Variants in STK11 observed in about 807,000 individuals in gnomAD.
STK11 encodes serine/threonine kinase 11, also known as serine/threonine-protein kinase STK11.
STK11 carries 8 observed loss-of-function variants against 47.3 expected under a neutral mutation model. The observed-to-expected ratio is 0.17, with a 90% confidence interval of 0.10 to 0.31. STK11 has a LOEUF of 0.31. Ranked by LOEUF, STK11 falls within the 10% of genes least tolerant of loss-of-function variation. STK11 has a pLI of 1.00. For missense variants in STK11, 475 were observed against 605.0 expected, an observed-to-expected ratio of 0.79 and a Z score of 2.25; for synonymous variants, 330 against 255.8, an observed-to-expected ratio of 1.29 and a Z score of -2.77.
rs947659632 is a variant in STK11 at position 1,210,678 on chromosome 19, C to A, written c.290+3475C>A. Among the ~76,000 whole-genome samples, 70 of 150,060 alleles carry A rather than the reference C, an allele frequency of 4.7e-4. 1 individual carries two copies. Among genetic ancestry groups the A allele is most frequent in the Admixed American group, 2.9e-3 (44 of 15,076 alleles). Reference sequence around the variant, plus strand: ...CGAGGTTGGGAGTTAGCCTGACCAACATGGTGAAACCCTGTCTCTACTAAA... The same window carrying A: ...CGAGGTTGGGAGTTAGCCTGACCAAAATGGTGAAACCCTGTCTCTACTAAA... On this transcript the variant is annotated intron_variant, in intron 1 of 9. Transcript: ENST00000326873.
chr19:1,223,290 C>A (rs572748438), intron 8 of STK11, 118 bp downstream of exon 8: 3 of 1,265,872 alleles, frequency 2.4e-6, no homozygotes, highest in Non-Finnish European at 3.3e-6. Context: ...GCCAATCCCA[C>A]GTCCCCAAAG....
rs758769888 is a variant in STK11, at chr19:1,206,955, G to A, written c.42G>A (p.Glu14=). ...CGCAGCAGCTGGGCATGTTCACGGA[G>A]GGCGAGCTGATGTCGGTGGGTATGG... ...VDPQQLGMFT[E]GELMSVGMDT... The change falls in exon 1 of 10, where the codon GAG becomes GAA. Residue 14 remains glutamate, a synonymous_variant. Transcript: ENST00000326873. 3.9e-5 allele frequency: 63 copies of A among 1,606,898 alleles called. No homozygotes were observed. Among genetic ancestry groups the A allele is most frequent in the South Asian group, 1.1e-4 (10 of 89,804 alleles).
In STK11 at chr19:1,206,918, A is replaced by C. The variant is rs1159551738; in HGVS notation, c.5A>C (p.Glu2Ala). 16 of 1,578,838 alleles carry C rather than the reference A, an allele frequency of 1.0e-5. No individual in the cohort carries two copies. The highest frequency in any genetic ancestry group is 1.3e-5 in the Non-Finnish European group (15 of 1,163,162). ...CTCCAGGACCCTGGGTCCAGCATGG[A>C]GGTGGTGGACCCGCAGCAGCTGGGC... is the stretch of plus-strand genomic sequence containing the variant. M[E>A]VVDPQQLGMF... Residue 2 changes from glutamate (E) to alanine (A), a missense_variant, in exon 1 of 10, where the codon GAG becomes GCG. Coordinates refer to ENST00000326873, the MANE Select transcript of STK11 (RefSeq NM_000455.5).
At position 1,220,730 on chromosome 19, in the gene STK11, C is replaced by A. The variant is rs2080777425; in HGVS notation, c.734+13C>A. 6.3e-7 allele frequency: 1 copy of A among 1,599,958 alleles called. No individual in the cohort carries two copies. The highest frequency in any genetic ancestry group is 8.5e-7 in the Non-Finnish European group (1 of 1,172,490). ...CTGGGGTCACCCTGTAAGTGCCCCG[C>A]CCCCCCGGGCACTCACCACACGCAC... On this transcript the variant is annotated intron_variant, in intron 5 of 9. Transcript: ENST00000326873.
chr19:1,212,533 T>G (rs918155295), intron 1 of STK11, among the ~76,000 whole-genome samples: 1 of 152,114 alleles, frequency 6.6e-6, no homozygotes, highest in East Asian at 1.9e-4. Flanking sequence ...ATTACAGGTA[T>G]GAGCCACTGC....
chr19:1,226,572 GGCCCCCAACCCT>G lies in STK11; in HGVS notation c.1232_1243del (p.Pro411_Ala414del), dbSNP rs1345292099. The G allele has an allele frequency of 1.3e-6, 2 of 1,587,068 alleles. No homozygotes were observed. The highest frequency in any genetic ancestry group is 2.7e-5 in the African/African-American group (2 of 74,264). On this transcript the variant is annotated inframe_deletion, in exon 9 of 10. Transcript: ENST00000326873. Reference sequence around the variant, plus strand: ...GCACCAAATCCAGGGCGGAGGGCCGGGCCCCCAACCCTGCCCGCAAGGCCTGCTCCGCCAGCA... The same window carrying G: ...GCACCAAATCCAGGGCGGAGGGCCGGGCCCGCAAGGCCTGCTCCGCCAGCA...
At chr19:1,227,558 AG>A in intron 9 of STK11, 34 bp from the exon 10 acceptor site, 4 of 1,062,860 alleles carry the variant, frequency 3.8e-6, no homozygotes, top group Non-Finnish European at 4.6e-6. Flanking sequence ...ACCGGTGCCC[AG>A]GCTGACCTCT....
Position 1,228,146 on chromosome 19 carries a change from G to T in STK11, c.*570G>T. On this transcript the variant is annotated 3_prime_UTR_variant, in exon 10 of 10. Transcript: ENST00000326873. ...AGCTGCTGGGTGGCAGGGGGGCTGT[G>T]GGGTCGGGCTCACGTCGCGGCCGCC... is the stretch of plus-strand genomic sequence containing the variant. 1 of 1,064,896 alleles carries T rather than the reference G, an allele frequency of 9.4e-7. No individual in the cohort carries two copies. The highest frequency in any genetic ancestry group is 5.0e-5 in the East Asian group (1 of 20,180). 66.0% of individuals were successfully genotyped at this position (1,064,896 alleles called of 1,614,324 possible).
At chr19:1,226,331 C>G (rs1229197329) in intron 8 of STK11, 123 bp from the exon 9 acceptor site, 48 of 1,494,708 alleles carry the variant, frequency 3.2e-5, no homozygotes, top group Non-Finnish European at 4.2e-5. Flanking sequence ...TGGGCCTGAC[C>G]CGGGGGCGGG....
At chr19:1,208,433 G>A (rs1453363293) in intron 1 of STK11, among the ~76,000 whole-genome samples, 77 of 148,456 alleles carry the variant, frequency 5.2e-4, no homozygotes, top group Non-Finnish European at 6.5e-4. Flanking sequence ...TCAGCCTCCC[G>A]AGTAGCTGGG....
intron 1 of STK11, among the ~76,000 whole-genome samples, chr19:1,212,239 G>C (rs1264191630): frequency 6.8e-6 from 1 of 146,126 alleles, no homozygotes. Flanking sequence ...AAACGCCACC[G>C]TATTGCTCAA....
chr19:1,215,771 C>A (rs1189305796), intron 1 of STK11, among the ~76,000 whole-genome samples: 3 of 152,040 alleles, frequency 2.0e-5, no homozygotes, highest in Non-Finnish European at 4.4e-5. Flanking sequence ...GAGTCTTGCT[C>A]TGTCACCCAG....
At position 1,206,109 on chromosome 19, in the gene STK11, G is replaced by A. The variant is rs1459086280; in HGVS notation, c.-805G>A. 2.0e-5 allele frequency: 3 copies of A among 146,978 alleles called. No homozygotes were observed. In the South Asian group the frequency reaches 6.2e-4, roughly 30 times the overall value. 9.1% of individuals were successfully genotyped at this position (146,978 alleles called of 1,614,324 possible). A position where few individuals can be genotyped will look rare whatever the true frequency, so the allele number is the denominator to read the frequency against. On this transcript the variant is annotated 5_prime_UTR_variant, in exon 1 of 10. Transcript: ENST00000326873. ...GCTGAGGGCACTCGGGGCGGGGCGC[G>A]CGCTCGGGCAGACGTTTGCGGGGAG...
At chr19:1,212,143 G>A (rs1476987202) in intron 1 of STK11, among the ~76,000 whole-genome samples, 4 of 152,116 alleles carry the variant, frequency 2.6e-5, no homozygotes, top group Non-Finnish European at 4.4e-5. Context: ...GGCAGGCCTG[G>A]AATGTTGGTT....
intron 1 of STK11, among the ~76,000 whole-genome samples, chr19:1,213,038 C>G (rs921929804): frequency 1.4e-5 from 2 of 144,790 alleles, no homozygotes; most frequent in Non-Finnish European, 3.0e-5. Context: ...GCTCTGTCAC[C>G]CAGGCTGGAG....
chr19:1,206,819 G>A lies in STK11; in HGVS notation c.-95G>A, dbSNP rs1323638467. 1 of 1,341,348 alleles carries A rather than the reference G, an allele frequency of 7.5e-7. No homozygotes were observed. The highest frequency in any genetic ancestry group is 9.8e-7 in the Non-Finnish European group (1 of 1,022,428). 83.1% of individuals were successfully genotyped at this position (1,341,348 alleles called of 1,614,324 possible). A position where few individuals can be genotyped will look rare whatever the true frequency, so the allele number is the denominator to read the frequency against. On this transcript the variant is annotated 5_prime_UTR_variant, in exon 1 of 10. Coordinates refer to ENST00000326873, the MANE Select transcript of STK11 (RefSeq NM_000455.5). ...TGCCTTTTTTTTTTCTTTTTTCTTT[G>A]TAAAATTTTGGAGAAGGGAAGTCGG...
At chr19:1,211,517 T>G (rs1421011669) in intron 1 of STK11, among the ~76,000 whole-genome samples, 4 of 151,732 alleles carry the variant, frequency 2.6e-5, no homozygotes, top group African/African-American at 9.7e-5. Context: ...TCCACCCCAG[T>G]GAGAGTGGGC....
chr19:1,226,738 C>T (rs372985039), intron 9 of STK11, 75 bp downstream of exon 9: 40 of 1,410,834 alleles, frequency 2.8e-5, no homozygotes, highest in East Asian at 1.8e-4. Context: ...GAGCATAGCC[C>T]GCGCTAGTCA....
chr19:1,222,909 C>G, intron 7 of STK11, 76 bp from the exon 8 acceptor site: 6 of 1,458,106 alleles, frequency 4.1e-6, no homozygotes, highest in Non-Finnish European at 5.5e-6. Flanking sequence ...TACCCTGGGC[C>G]CAGAGGAGCT....
Sources: gnomAD v4.1 joint callset for allele counts (sites outside exome capture counted in the v4.1 genomes callset) on GRCh38, gnomAD v4.1.1 for gene constraint, MANE v1.5 for transcripts, NCBI Gene and HGNC (gene_info 2026-07-23, HGNC 2026-07-21) for gene names.